Variants in SPON1 observed in about 807,000 individuals in gnomAD.
The protein encoded by SPON1 is spondin-1.
SPON1 carries 52 observed loss-of-function variants against 111.7 expected under a neutral mutation model. That is an observed-to-expected ratio of 0.47 (90% confidence interval 0.37 to 0.59). The LOEUF is 0.59. Ranked by LOEUF, SPON1 falls within the 20% of genes least tolerant of loss-of-function variation. The probability of loss-of-function intolerance (pLI) is 0.00; values close to 1 mark genes in which losing one functional copy is unlikely to be tolerated. For missense variants in SPON1, 957 were observed against 1,068.5 expected (o/e 0.90, Z 1.46); for synonymous variants, 410 against 395.8 (o/e 1.04, Z -0.43).
At chr11:14,123,849 G>A (rs530672826) in intron 5 of SPON1, among the ~76,000 whole-genome samples, 8 of 152,304 alleles carry the variant, frequency 5.3e-5, no homozygotes, top group South Asian at 2.1e-4. Context: ...GGGCAAACAC[G>A]GGCTCATCTC....
intron 2 of SPON1, among the ~76,000 whole-genome samples, chr11:14,027,255 C>T (rs1454368875): frequency 1.3e-5 from 2 of 152,230 alleles, no homozygotes; most frequent in Non-Finnish European, 2.9e-5. Flanking sequence ...ACTGACCTCA[C>T]TAGATGCCTC....
intron 10 of SPON1, 97 bp downstream of exon 10, chr11:14,256,789 G>T: frequency 1.1e-6 from 1 of 902,882 alleles, no homozygotes; most frequent in Non-Finnish European, 1.8e-6. Context: ...TAAACCATGT[G>T]CTTTGACTTG....
chr11:14,100,125 C>CTT (rs1227237670), intron 5 of SPON1, among the ~76,000 whole-genome samples: 1 of 140,278 alleles, frequency 7.1e-6, no homozygotes, highest in Non-Finnish European at 1.6e-5. Context: ...ATAATTTCTG[C>CTT]TTTTTTGTAC....
At chr11:14,027,820 C>G (rs1438534591) in intron 2 of SPON1, among the ~76,000 whole-genome samples, 1 of 152,220 alleles carries the variant, frequency 6.6e-6, no homozygotes, top group Non-Finnish European at 1.5e-5. Flanking sequence ...ATTTTTAGTA[C>G]TGCATTATAC....
intron 6 of SPON1, among the ~76,000 whole-genome samples, chr11:14,189,991 G>A (rs1848327985): frequency 6.6e-6 from 1 of 152,164 alleles, no homozygotes; most frequent in South Asian, 2.1e-4. Flanking sequence ...CTTGAATGAA[G>A]AGCATTTGGT....
intron 1 of SPON1, among the ~76,000 whole-genome samples, chr11:13,968,350 C>T (rs117237814): frequency 0.011 from 1,701 of 152,262 alleles, 18 homozygotes; most frequent in Non-Finnish European, 0.016. Flanking sequence ...TCCCTGACAT[C>T]TTCTTGCACT....
At chr11:14,235,371 G>A (rs1848851626) in intron 6 of SPON1, among the ~76,000 whole-genome samples, 1 of 152,104 alleles carries the variant, frequency 6.6e-6, no homozygotes, top group Admixed American at 6.5e-5. Flanking sequence ...TCTAGCAGGG[G>A]GAGATAGACA....
At position 14,113,568 on chromosome 11, in the gene SPON1, ATTTTTTTTTTTTTTTTT is replaced by A. The variant is rs782780924; in HGVS notation, c.677-21816_677-21800del. ...AAGTCACCTCCTATGTACTTTTTAA[ATTTTTTTTTTTTTTTTT>A]TTTTTTTTTTTTTTTTTTTTTTTTT... On this transcript the variant is annotated intron_variant, in intron 5 of 15. Coordinates refer to ENST00000576479, the MANE Select transcript of SPON1 (RefSeq NM_006108.4). Among the ~76,000 whole-genome samples, 119 of 74,686 alleles carry A rather than the reference ATTTTTTTTTTTTTTTTT, an allele frequency of 1.6e-3. 1 individual carries two copies. Among genetic ancestry groups the A allele is most frequent in the African/African-American group, 2.0e-3 (37 of 18,780 alleles). 49.0% of individuals were successfully genotyped at this position (74,686 alleles called of 152,430 possible). A position where few individuals can be genotyped will look rare whatever the true frequency, so the allele number is the denominator to read the frequency against.
chr11:14,171,598 A>G (rs1279167004), intron 6 of SPON1, among the ~76,000 whole-genome samples: 3 of 152,134 alleles, frequency 2.0e-5, no homozygotes, highest in South Asian at 2.1e-4. Flanking sequence ...TGTCAATTTT[A>G]GATCTTTCCT....
intron 2 of SPON1, among the ~76,000 whole-genome samples, chr11:14,031,919 T>C (rs112930289): frequency 6.6e-6 from 1 of 152,178 alleles, no homozygotes; most frequent in African/African-American, 2.4e-5. Context: ...TAGAAAGCCC[T>C]TCCTGGGCAG....
chr11:13,994,671 A>G (rs1848257870), intron 2 of SPON1, among the ~76,000 whole-genome samples: 1 of 152,268 alleles, frequency 6.6e-6, no homozygotes, highest in South Asian at 2.1e-4. Context: ...TTGCACGAGT[A>G]CAAGATGAGA....
chr11:14,053,961 T>C lies in SPON1; in HGVS notation c.479+12307T>C, dbSNP rs556088552. Among the ~76,000 whole-genome samples the C allele has an allele frequency of 3.3e-5, 5 of 152,310 alleles. No individual in the cohort carries two copies. The East Asian group carries it at 5.8e-4, about 18-fold the overall frequency. ...GTGGAAGATGGCATTCCTCTATAGA[T>C]GCTCTCCTGCTCTACCACTGTTCAT... On this transcript the variant is annotated intron_variant, in intron 3 of 15. Transcript: ENST00000576479.
At chr11:14,247,933 T>C (rs1849010023) in intron 7 of SPON1, among the ~76,000 whole-genome samples, 1 of 152,112 alleles carries the variant, frequency 6.6e-6, no homozygotes, top group Non-Finnish European at 1.5e-5. Context: ...TGGGAGACAA[T>C]GCCAAGGGCA....
chr11:14,098,187 G>T (rs1037057129), intron 5 of SPON1, among the ~76,000 whole-genome samples: 1 of 152,130 alleles, frequency 6.6e-6, no homozygotes, highest in Non-Finnish European at 1.5e-5. Flanking sequence ...TAGTAGAGAC[G>T]GGGTTTCACC....
At chr11:14,157,423 A>G (rs554576073) in intron 6 of SPON1, among the ~76,000 whole-genome samples, 25 of 152,300 alleles carry the variant, frequency 1.6e-4, no homozygotes, top group Non-Finnish European at 2.8e-4. Flanking sequence ...GTTGCTTGTT[A>G]GAAAATAACA....
intron 2 of SPON1, among the ~76,000 whole-genome samples, chr11:14,030,407 T>C (rs1848549444): frequency 6.6e-6 from 1 of 151,506 alleles, no homozygotes. Flanking sequence ...AGGACTAAAC[T>C]TCTGTGGATT....
chr11:13,962,730 C>CTCA lies in SPON1; in HGVS notation c.-175_-174insTCA. On this transcript the variant is annotated 5_prime_UTR_variant, in exon 1 of 16. Coordinates refer to ENST00000576479, the MANE Select transcript of SPON1 (RefSeq NM_006108.4). ...CTTGGCTCAGCTCAGCTCAGCTCAG[C>CTCA]GCAGCTCCGCGGCCGCCAAGCCGAG... 5.1e-6 allele frequency: 3 copies of CTCA among 591,580 alleles called. No individual in the cohort carries two copies. The highest frequency in any genetic ancestry group is 4.8e-5 in the South Asian group (2 of 41,760). 36.6% of individuals were successfully genotyped at this position (591,580 alleles called of 1,614,324 possible). A position where few individuals can be genotyped will look rare whatever the true frequency, so the allele number is the denominator to read the frequency against.
chr11:14,057,831 C>CAAAAAAAAAA lies in SPON1; in HGVS notation c.479+16180_479+16189dup, dbSNP rs782306609. On this transcript the variant is annotated intron_variant, in intron 3 of 15. Transcript: ENST00000576479. ...AAAACGTAGTGAGACCTTGTCTCTACAAAAAAAAAAAACAAAACAAAAACT... is the reference window on the plus strand; with the variant it reads ...AAAACGTAGTGAGACCTTGTCTCTACAAAAAAAAAAAAAAAAAAAAAACAAAACAAAAACT... 1.9e-4 allele frequency among the ~76,000 whole-genome samples: 19 copies of CAAAAAAAAAA among 100,592 alleles called. No homozygotes were observed. In the East Asian group the frequency reaches 3.3e-3, roughly 17 times the overall value. 66.0% of individuals were successfully genotyped at this position (100,592 alleles called of 152,430 possible). A position where few individuals can be genotyped will look rare whatever the true frequency, so the allele number is the denominator to read the frequency against.
chr11:14,094,350 C>A lies in SPON1; in HGVS notation c.676+14329C>A, dbSNP rs143987208. ...AAAGGATATGGATTTTTCTTTTGGC[C>A]CTTGATACATCTTGCCAGATTCTTC... On this transcript the variant is annotated intron_variant, in intron 5 of 15. Coordinates refer to ENST00000576479, the MANE Select transcript of SPON1 (RefSeq NM_006108.4). 5.1e-4 allele frequency among the ~76,000 whole-genome samples: 77 copies of A among 152,020 alleles called. No homozygotes were observed. In the East Asian group the frequency reaches 0.013, roughly 26 times the overall value.
Sources: allele counts gnomAD v4.1 joint callset (sites outside exome capture counted in the v4.1 genomes callset), GRCh38; gene constraint gnomAD v4.1.1; transcripts MANE v1.5; gene names NCBI Gene and HGNC (gene_info 2026-07-23, HGNC 2026-07-21).